Variants in CA5B observed in about 807,000 individuals in gnomAD.
The protein encoded by CA5B is carbonic anhydrase 5B.
A neutral mutation model predicts 23.1 loss-of-function variants in CA5B; 15 were observed. That is an observed-to-expected ratio of 0.65 (90% CI 0.43 to 1.00). The LOEUF is 1.00. CA5B is among the 50% of genes least tolerant of loss of function. The probability of loss-of-function intolerance (pLI) is 0.00; values close to 1 mark genes in which losing one functional copy is unlikely to be tolerated. For synonymous variants in CA5B, 84 were observed against 98.5 expected (o/e 0.85, Z 0.87); for missense variants, 236 against 252.2 (o/e 0.94, Z 0.43).
chrX:15,754,094 A>G (rs1601782616), intron 2 of CA5B, among the ~76,000 whole-genome samples: 1 of 111,557 alleles, frequency 9.0e-6, no homozygotes, highest in African/African-American at 3.3e-5. Context: ...CCTAAACTCT[A>G]AAGGGAGGGT....
At position 15,786,737 on chromosome X, in the gene CA5B, CAT is replaced by C. The variant is rs1301383931; in HGVS notation, c.*4075_*4076del. The C allele has an allele frequency of 1.8e-5, 2 of 111,475 alleles. No individual in the cohort carries two copies. The highest frequency in any genetic ancestry group is 6.5e-5 in the African/African-American group (2 of 30,619). 9.2% of individuals were successfully genotyped at this position (111,475 alleles called of 1,213,427 possible). A position where few individuals can be genotyped will look rare whatever the true frequency, so the allele number is the denominator to read the frequency against. ...GTAGATTAGAAAGCGACTAAAAACTCATAGGGGATTTACTAAAGAAGCAACAA... is the reference window on the plus strand; with the variant it reads ...GTAGATTAGAAAGCGACTAAAAACTCAGGGGATTTACTAAAGAAGCAACAA... On this transcript the variant is annotated 3_prime_UTR_variant, in exon 8 of 8. Coordinates refer to ENST00000318636, the MANE Select transcript of CA5B (RefSeq NM_007220.4).
intron 3 of CA5B, chrX:15,765,398 A>T (rs1931686459): frequency 7.9e-6 from 1 of 127,264 alleles, no homozygotes; most frequent in Non-Finnish European, 1.5e-5. Context: ...CTGGATGTAA[A>T]CTAATGTGAA....
At position 15,764,598 on chromosome X, in the gene CA5B, G is replaced by A. The variant is rs957425532; in HGVS notation, c.163G>A (p.Val55Met). The A allele has an allele frequency of 1.4e-5, 17 of 1,205,080 alleles. No homozygotes were observed. The highest frequency in any genetic ancestry group is 2.3e-4 in the Middle Eastern group (1 of 4,258). The stretch of plus-strand genomic sequence containing the variant: ...CCTAGTGCATCCACTCTGGGAGAGC[G>A]TGGACCTGGTTCCTGGGGGCGATCG... ...NRALHPLWES[V>M]DLVPGGDRQS... The change falls in exon 3 of 8, where the codon GTG becomes ATG. Residue 55 changes from valine (V) to methionine (M), a missense_variant. Physicochemically the swap from Val to Met is conservative, Grantham distance 21. Transcript: ENST00000318636.
intron 2 of CA5B, among the ~76,000 whole-genome samples, chrX:15,751,029 A>G (rs1352109562): frequency 1.8e-5 from 2 of 112,114 alleles, no homozygotes; most frequent in South Asian, 3.7e-4. Flanking sequence ...TGACTGCCCT[A>G]GAGAGGGCAG....
intron 1 of CA5B, among the ~76,000 whole-genome samples, chrX:15,742,887 T>C (rs1192095298): frequency 8.9e-6 from 1 of 112,129 alleles, no homozygotes; most frequent in Non-Finnish European, 1.9e-5. Context: ...TGGCATCTAT[T>C]GGATGCTAGC....
In CA5B at chrX:15,764,622, C is replaced by T. The variant is rs779251569; in HGVS notation, c.187C>T (p.Arg63Cys). Residue 63 changes from arginine (R) to cysteine (C), a missense_variant, in exon 3 of 8, where the codon CGC (arginine) becomes TGC (cysteine). Transcript: ENST00000318636. The stretch of plus-strand genomic sequence containing the variant: ...CGTGGACCTGGTTCCTGGGGGCGAT[C>T]GCCAGTCACCCATCAACATTCGGTG... ...ESVDLVPGGD[R>C]QSPINIRWRD... 19 of 1,171,987 alleles carry T rather than the reference C, an allele frequency of 1.6e-5. No homozygotes were observed. In the Admixed American group the frequency reaches 4.4e-4, roughly 27 times the overall value.
At chrX:15,781,746 C>T (rs1932027077) in intron 7 of CA5B, among the ~76,000 whole-genome samples, 1 of 110,607 alleles carries the variant, frequency 9.0e-6, no homozygotes, top group Non-Finnish European at 1.9e-5. Flanking sequence ...AAGACCCTGT[C>T]TCTACAAAAA....
In CA5B at chrX:15,782,751, G is replaced by A. The variant is rs1421786752; in HGVS notation, c.*87G>A. 1.4e-6 allele frequency: 1 copy of A among 696,750 alleles called. No individual in the cohort carries two copies. The highest frequency in any genetic ancestry group is 3.5e-5 in the East Asian group (1 of 28,557). The allele number at this position is 696,750 out of a possible 1,213,427, so 57.4% of individuals were successfully genotyped here. A position where few individuals can be genotyped will look rare whatever the true frequency, so the allele number is the denominator to read the frequency against. ...GTTAACTAGACTATTCTAAGTGCCT[G>A]CATTTGATAATATTTACAGATGTGC... On this transcript the variant is annotated 3_prime_UTR_variant, in exon 8 of 8. Coordinates refer to ENST00000318636, the MANE Select transcript of CA5B (RefSeq NM_007220.4).
rs1209195473 is a variant in CA5B at position 15,786,962 on chromosome X, T to C, written c.*4298T>C. ...TGTGACAGAACACACTCACACCCAA[T>C]ACATTACATGAAGCAGATTTATTAC... On this transcript the variant is annotated 3_prime_UTR_variant, in exon 8 of 8. Coordinates refer to ENST00000318636, the MANE Select transcript of CA5B (RefSeq NM_007220.4). 2 of 111,304 alleles carry C rather than the reference T, an allele frequency of 1.8e-5. No individual in the cohort carries two copies. The highest frequency in any genetic ancestry group is 3.8e-5 in the Non-Finnish European group (2 of 53,016). 9.2% of individuals were successfully genotyped at this position (111,304 alleles called of 1,213,427 possible).
rs1187681060 is a variant in CA5B at position 15,739,983 on chromosome X, TTCTG to T, written c.-54+1637_-54+1640del. Among the ~76,000 whole-genome samples, 39 of 112,265 alleles carry T rather than the reference TTCTG, an allele frequency of 3.5e-4. No homozygotes were observed. The Admixed American group carries it at 3.5e-3, about 10-fold the overall frequency. On this transcript the variant is annotated intron_variant, in intron 1 of 7. Coordinates refer to ENST00000318636, the MANE Select transcript of CA5B (RefSeq NM_007220.4). ...CTTTAGTCAGAGTACATTCTTTTTT[TTCTG>T]TCTGTTTTGCCTACATATGAATGGC...
chrX:15,738,460 G>A (rs1426470099), intron 1 of CA5B, 108 bp downstream of exon 1: 1 of 111,441 alleles, frequency 9.0e-6, no homozygotes, highest in African/African-American at 3.3e-5. Flanking sequence ...GGGTTCCGGA[G>A]CTAGGAGAGC....
rs1341612158 is a variant in CA5B, at chrX:15,741,080, T to G, written c.-54+2728T>G. On this transcript the variant is annotated intron_variant, in intron 1 of 7. Transcript: ENST00000318636. ...CTCGTTCTGTTTTTCTTTTTCTTTT[T>G]TTTTTGAGACGGAGTCTCGCCCTGT... Among the ~76,000 whole-genome samples, 8 of 109,669 alleles carry G rather than the reference T, an allele frequency of 7.3e-5. No individual in the cohort carries two copies. In the East Asian group the frequency reaches 8.8e-4, roughly 12 times the overall value.
At chrX:15,745,707 T>C (rs927389478) in intron 1 of CA5B, 1 of 111,840 alleles carries the variant, frequency 8.9e-6, no homozygotes, top group African/African-American at 3.3e-5. Context: ...GAAGAACAGT[T>C]AAGGCAAGCT....
intron 1 of CA5B, among the ~76,000 whole-genome samples, chrX:15,739,965 CAG>C (rs1269909909): frequency 6.3e-5 from 7 of 111,949 alleles, no homozygotes; most frequent in Non-Finnish European, 1.3e-4. Context: ...AACCTTTAGT[CAG>C]AGTACATTCT....
intron 2 of CA5B, among the ~76,000 whole-genome samples, chrX:15,759,862 C>T (rs1931567449): frequency 9.7e-6 from 1 of 103,311 alleles, no homozygotes; most frequent in East Asian, 3.0e-4. Flanking sequence ...AAGCAATTCT[C>T]CTGCCTCAGC....
chrX:15,742,681 A>C, intron 1 of CA5B, among the ~76,000 whole-genome samples: 1 of 112,790 alleles, frequency 8.9e-6, no homozygotes, highest in Non-Finnish European at 1.9e-5. Context: ...GCCCAGCCTG[A>C]GTGATCTTTT....
At chrX:15,758,284 A>T (rs1343947659) in intron 2 of CA5B, among the ~76,000 whole-genome samples, 1 of 111,211 alleles carries the variant, frequency 9.0e-6, no homozygotes, top group Non-Finnish European at 1.9e-5. Flanking sequence ...TCAGTGTCTG[A>T]TGAGGGTTCT....
chrX:15,776,072 C>G, intron 6 of CA5B: 1 of 724,677 alleles, frequency 1.4e-6, no homozygotes, highest in Middle Eastern at 8.0e-4. Flanking sequence ...GGCGCAGTGG[C>G]TCACGCCTGT....
intron 1 of CA5B, among the ~76,000 whole-genome samples, chrX:15,745,183 A>AAAAGAAAAAAAAAAAAAAAAAAAAAAAAG (rs1555992330): frequency 1.2e-5 from 1 of 86,778 alleles, no homozygotes; most frequent in Non-Finnish European, 2.3e-5. Context: ...AAAAAAAAAA[A>AAAAGAAAAAAAAAAAAAAAAAAAAAAAAG]AAAAGAAAAG....
Sources: allele counts gnomAD v4.1 joint callset (sites outside exome capture counted in the v4.1 genomes callset), GRCh38; gene constraint gnomAD v4.1.1; transcripts MANE v1.5; gene names NCBI Gene and HGNC (gene_info 2026-07-23, HGNC 2026-07-21).